SMARCC1: variants seen among roughly 807,000 people sequenced by gnomAD.
SMARCC1 encodes the protein SWI/SNF complex subunit SMARCC1.
Under a neutral mutation model 147.4 loss-of-function variants are expected in SMARCC1, and 43 were observed. The observed-to-expected ratio is 0.29, with a 90% CI of 0.23 to 0.38. SMARCC1 has a LOEUF of 0.38. Among genes scored for constraint, SMARCC1 ranks in the 10% least tolerant of loss-of-function variants. SMARCC1 has a pLI of 1.00. For synonymous variants in SMARCC1, 495 were observed against 484.4 expected (o/e 1.02, Z -0.29); for missense variants, 1,119 against 1,381.1 (o/e 0.81, Z 3.01).
intron 2 of SMARCC1, among the ~76,000 whole-genome samples, chr3:47,755,712 G>T (rs1009791811): frequency 6.6e-6 from 1 of 151,166 alleles, no homozygotes; most frequent in Non-Finnish European, 1.5e-5. Context: ...CAAAAAATAG[G>T]CCAGGCGCGG....
chr3:47,754,944 G>C (rs1264298042), intron 2 of SMARCC1, among the ~76,000 whole-genome samples: 1 of 152,128 alleles, frequency 6.6e-6, no homozygotes, highest in Non-Finnish European at 1.5e-5. Flanking sequence ...TTGGAAAACT[G>C]AGACAGGAGA....
chr3:47,748,881 G>A (rs533356916), intron 2 of SMARCC1, among the ~76,000 whole-genome samples: 1 of 152,288 alleles, frequency 6.6e-6, no homozygotes, highest in East Asian at 1.9e-4. Context: ...TTGTTTAATA[G>A]ATACAGAAGT....
At chr3:47,626,001 A>G (rs2032803841) in intron 24 of SMARCC1, among the ~76,000 whole-genome samples, 1 of 152,102 alleles carries the variant, frequency 6.6e-6, no homozygotes, top group African/African-American at 2.4e-5. Flanking sequence ...AAAAAATTTA[A>G]AAATTAGCCA....
chr3:47,740,786 T>C (rs2034500258), intron 3 of SMARCC1, among the ~76,000 whole-genome samples: 2 of 150,380 alleles, frequency 1.3e-5, no homozygotes. Flanking sequence ...TAGAAGAATG[T>C]GCAGCTTTAC....
chr3:47,698,802 T>C (rs959222905), intron 11 of SMARCC1, among the ~76,000 whole-genome samples: 40 of 144,934 alleles, frequency 2.8e-4, no homozygotes, highest in African/African-American at 9.8e-4. Context: ...CAATACTTAC[T>C]AAAAAAAAAA....
chr3:47,752,606 C>T (rs1390798560), intron 2 of SMARCC1, among the ~76,000 whole-genome samples: 1 of 152,004 alleles, frequency 6.6e-6, no homozygotes, highest in African/African-American at 2.4e-5. Flanking sequence ...AGCAACATAA[C>T]AGAGCGAAAC....
intron 26 of SMARCC1, among the ~76,000 whole-genome samples, chr3:47,592,723 C>T (rs1050534810): frequency 6.6e-6 from 1 of 152,118 alleles, no homozygotes; most frequent in African/African-American, 2.4e-5. Context: ...CTCAGCCTCT[C>T]AAGTAGCTGG....
rs1201005874 is a variant in SMARCC1 at position 47,680,307 on chromosome 3, A to G, written c.1457+130T>C. The G allele has an allele frequency of 9.7e-6, 7 of 720,478 alleles. No individual in the cohort carries two copies. The East Asian group carries it at 1.6e-4, about 16-fold the overall frequency. The allele number at this position is 720,478 out of a possible 1,614,324, so 44.6% of individuals were successfully genotyped here. On this transcript the variant is annotated intron_variant, in intron 15 of 27. Transcript: ENST00000254480. ...TACCATGGAATGCTATGCAAATGAG[A>G]TATGAACACTGTTCTGAAAGGAGTA... is the stretch of plus-strand genomic sequence containing the variant.
intron 10 of SMARCC1, among the ~76,000 whole-genome samples, chr3:47,704,683 G>A (rs754166822): frequency 7.9e-5 from 12 of 152,134 alleles, no homozygotes; most frequent in Non-Finnish European, 8.8e-5. Context: ...TTGGGAGGCC[G>A]AGGTGGAAGA....
intron 20 of SMARCC1, 112 bp downstream of exon 20, chr3:47,662,222 A>G (rs1234024543): frequency 1.1e-6 from 1 of 893,600 alleles, no homozygotes; most frequent in Admixed American, 2.7e-5. Context: ...TTCACAGGTA[A>G]TATCTGATTT....
In SMARCC1 at chr3:47,710,711, C is replaced by G; in HGVS notation, c.890G>C (p.Arg297Pro). ...VDENRKPVSF[R>P]QRISTKNEEP... ...TTCATTCTTGGTTGAAATCCGCTGA[C>G]GAAAACTCACAGGCTTCCTATTTTC... The change falls in exon 9 of 28, where the codon CGT (arginine) becomes CCT (proline). Residue 297 changes from arginine to proline, a missense_variant. By Grantham distance (103) the Arg-to-Pro change is moderately radical. Coordinates refer to ENST00000254480, the MANE Select transcript of SMARCC1 (RefSeq NM_003074.4). 1 of 1,613,702 alleles carries G rather than the reference C, an allele frequency of 6.2e-7. No individual in the cohort carries two copies. The highest frequency in any genetic ancestry group is 1.1e-5 in the South Asian group (1 of 90,988).
chr3:47,768,285 T>C (rs1033196754), intron 2 of SMARCC1, among the ~76,000 whole-genome samples: 7 of 152,200 alleles, frequency 4.6e-5, no homozygotes, highest in African/African-American at 1.7e-4. Context: ...ATCCCTTTCA[T>C]CTGGGAAAGT....
chr3:47,699,223 CT>C (rs1385661778), intron 11 of SMARCC1, among the ~76,000 whole-genome samples: 2 of 152,086 alleles, frequency 1.3e-5, no homozygotes, highest in Non-Finnish European at 2.9e-5. Flanking sequence ...TGAATAGGGG[CT>C]TGAACTGGTT....
intron 1 of SMARCC1, among the ~76,000 whole-genome samples, chr3:47,779,258 A>G (rs1252721843): frequency 6.6e-6 from 1 of 152,228 alleles, no homozygotes; most frequent in Non-Finnish European, 1.5e-5. Context: ...ATAAAAATAA[A>G]TAAAAAATGA....
At chr3:47,596,295 C>T (rs907868945) in intron 26 of SMARCC1, among the ~76,000 whole-genome samples, 2 of 151,876 alleles carry the variant, frequency 1.3e-5, no homozygotes, top group Non-Finnish European at 2.9e-5. Flanking sequence ...CTTGGCTGGG[C>T]GTGGTGGCTC....
At chr3:47,655,451 C>A (rs1214775815) in intron 21 of SMARCC1, among the ~76,000 whole-genome samples, 5 of 151,714 alleles carry the variant, frequency 3.3e-5, no homozygotes, top group Non-Finnish European at 2.9e-5. Flanking sequence ...AATCCCAGCA[C>A]TTTGGGAGGC....
Position 47,588,170 on chromosome 3 carries a change from T to C in SMARCC1, c.*39A>G. On this transcript the variant is annotated 3_prime_UTR_variant, in exon 28 of 28. Transcript: ENST00000254480. ...CAAGTCTTGTCATCCCCACTCCAGC[T>C]CATGGTGGTGGGCGTGGAGGTTCCC... 2.0e-6 allele frequency: 3 copies of C among 1,471,788 alleles called. No individual in the cohort carries two copies. The highest frequency in any genetic ancestry group is 2.8e-6 in the Non-Finnish European group (3 of 1,056,410). The allele number at this position is 1,471,788 out of a possible 1,614,324, so 91.2% of individuals were successfully genotyped here.
At chr3:47,655,670 C>T (rs1195231005) in intron 21 of SMARCC1, among the ~76,000 whole-genome samples, 1 of 152,074 alleles carries the variant, frequency 6.6e-6, no homozygotes, top group African/African-American at 2.4e-5. Flanking sequence ...CACCATACTC[C>T]AGTCTGGGTG....
At chr3:47,631,060 G>A (rs764824154) in intron 24 of SMARCC1, among the ~76,000 whole-genome samples, 2 of 151,622 alleles carry the variant, frequency 1.3e-5, no homozygotes, top group Non-Finnish European at 2.9e-5. Context: ...GCAAGACCCT[G>A]ACAAAGCAAG....
Sources: gnomAD v4.1 joint callset for allele counts (sites outside exome capture counted in the v4.1 genomes callset) on GRCh38, gnomAD v4.1.1 for gene constraint, MANE v1.5 for transcripts, NCBI Gene and HGNC (gene_info 2026-07-23, HGNC 2026-07-21) for gene names.